NEK10: variants seen among roughly 807,000 people sequenced by gnomAD.
The protein encoded by NEK10 is serine/threonine-protein kinase Nek10.
A neutral mutation model predicts 159.8 loss-of-function variants in NEK10; 122 were observed. The ratio of observed to expected loss-of-function variants is 0.76; its 90% CI spans 0.66 to 0.89. The LOEUF (loss-of-function observed/expected upper bound fraction) is 0.89, where lower values mean the gene tolerates loss of function less well. NEK10 is among the 40% of genes least tolerant of loss of function. The pLI, the probability that NEK10 is intolerant of heterozygous loss-of-function variation, is 0.00. For synonymous variants in NEK10, 466 were observed against 457.1 expected (o/e 1.02, Z -0.25); for missense variants, 1,342 against 1,323.1 (o/e 1.01, Z -0.22).
chr3:27,107,180 C>G lies in NEK10; in HGVS notation c.*4092G>C, dbSNP rs148954988. ...CAGCTGTGATTTTAGGGTACGTGAT[C>G]TTCATTTTTAAAAACAACTATTGCC... is the stretch of plus-strand genomic sequence containing the variant. On this transcript the variant is annotated 3_prime_UTR_variant, in exon 36 of 36. Coordinates refer to ENST00000691995, the MANE Select transcript of NEK10 (RefSeq NM_001394966.1). Among the ~76,000 whole-genome samples the G allele has an allele frequency of 4.3e-3, 661 of 152,056 alleles. 1 individual carries two copies. The highest frequency in any genetic ancestry group is 0.014 in the African/African-American group (591 of 41,476).
At chr3:27,311,774 C>T (rs2044718018) in intron 8 of NEK10, 3 of 285,180 alleles carry the variant, frequency 1.1e-5, no homozygotes, top group Non-Finnish European at 2.0e-5. Flanking sequence ...ATTAACCCAA[C>T]TTTATAGAAA....
At chr3:27,289,258 C>T (rs1218135701) in intron 19 of NEK10, among the ~76,000 whole-genome samples, 2 of 152,252 alleles carry the variant, frequency 1.3e-5, no homozygotes, top group South Asian at 2.1e-4. Flanking sequence ...ACCCACTGTA[C>T]TGTGAGTCCT....
chr3:27,255,335 A>G (rs1450370383), intron 23 of NEK10: 5 of 411,654 alleles, frequency 1.2e-5, no homozygotes, highest in Non-Finnish European at 1.9e-5. Context: ...AAACATATCC[A>G]GTAAGATAAA....
rs746438852 is a variant in NEK10, at chr3:27,162,748, G to T, written c.2832-10C>A. On this transcript the variant is annotated splice_polypyrimidine_tract_variant and intron_variant, in intron 29 of 35. Transcript: ENST00000691995. ...TCCTCCAGTGAAGTCCCTGAAAATAGAATTACAGGCCATTAGAATGACCTG... is the reference window on the plus strand; with the variant it reads ...TCCTCCAGTGAAGTCCCTGAAAATATAATTACAGGCCATTAGAATGACCTG... 1 of 1,614,030 alleles carries T rather than the reference G, an allele frequency of 6.2e-7. No homozygotes were observed.
In NEK10 at chr3:27,318,657, A is replaced by G. The variant is rs551777461; in HGVS notation, c.447+3520T>C. On this transcript the variant is annotated intron_variant, in intron 6 of 35. Coordinates refer to ENST00000691995, the MANE Select transcript of NEK10 (RefSeq NM_001394966.1). ...GACAAGACAAATAACATCACTGAGAATAATTTAGCATCGTGTTGAAGATAG... is the reference window on the plus strand; with the variant it reads ...GACAAGACAAATAACATCACTGAGAGTAATTTAGCATCGTGTTGAAGATAG... 2.0e-5 allele frequency among the ~76,000 whole-genome samples: 3 copies of G among 152,364 alleles called. No individual in the cohort carries two copies. The South Asian group carries it at 6.2e-4, about 32-fold the overall frequency.
At chr3:27,256,404 A>T in intron 22 of NEK10, 33 bp from the exon 23 acceptor site, 1 of 1,375,856 alleles carries the variant, frequency 7.3e-7, no homozygotes, top group Middle Eastern at 1.8e-4. Flanking sequence ...ATATGTTACT[A>T]TATTTTCCCA....
chr3:27,162,430 C>G, intron 30 of NEK10: 1 of 1,607,202 alleles, frequency 6.2e-7, no homozygotes. Flanking sequence ...CCATTGTGTG[C>G]TTAACATCAA....
intron 33 of NEK10, among the ~76,000 whole-genome samples, chr3:27,118,768 CT>C (rs1225986109): frequency 6.6e-6 from 1 of 152,324 alleles, no homozygotes; most frequent in East Asian, 1.9e-4. Context: ...CTTTAAACAA[CT>C]TTTTATCTTG....
rs57112652 is a variant in NEK10, at chr3:27,172,333, CAAAAAAA to C, written c.2777-467_2777-461del. Among the ~76,000 whole-genome samples, 12 of 63,018 alleles carry C rather than the reference CAAAAAAA, an allele frequency of 1.9e-4. No individual in the cohort carries two copies. The East Asian group carries it at 2.9e-3, about 15-fold the overall frequency. The allele number at this position is 63,018 out of a possible 152,430, so 41.3% of individuals were successfully genotyped here. On this transcript the variant is annotated intron_variant, in intron 28 of 35. Coordinates refer to ENST00000691995, the MANE Select transcript of NEK10 (RefSeq NM_001394966.1). ...CTGGTGACAGAGCGAGACCCCGTCTCAAAAAAAAAAAAAAAAAAAAAAAAAACTTAAA... is the reference window on the plus strand; with the variant it reads ...CTGGTGACAGAGCGAGACCCCGTCTCAAAAAAAAAAAAAAAAAAACTTAAA...
At chr3:27,278,157 CAGGCTGTATTTTGCCACTGTTTT>C (rs1247501795) in intron 22 of NEK10, among the ~76,000 whole-genome samples, 3 of 152,234 alleles carry the variant, frequency 2.0e-5, no homozygotes, top group East Asian at 1.9e-4. Flanking sequence ...ATTTGTCCCA[CAGGCTGTATTTTGCCACTGTTTT>C]AGGCTGTATT....
chr3:27,257,730 C>G (rs760604852), intron 22 of NEK10, among the ~76,000 whole-genome samples: 1 of 151,766 alleles, frequency 6.6e-6, no homozygotes, highest in African/African-American at 2.4e-5. Context: ...CTATTATGAG[C>G]AACTTGAGTA....
chr3:27,345,395 T>C (rs2047483053), intron 4 of NEK10, among the ~76,000 whole-genome samples: 1 of 152,198 alleles, frequency 6.6e-6, no homozygotes, highest in Non-Finnish European at 1.5e-5. Context: ...AACTTTCCCA[T>C]ACTATTAAAT....
At chr3:27,342,996 A>G (rs1479676900) in intron 5 of NEK10, among the ~76,000 whole-genome samples, 1 of 152,194 alleles carries the variant, frequency 6.6e-6, no homozygotes, top group Non-Finnish European at 1.5e-5. Flanking sequence ...CTGAACAGTG[A>G]CCCAATTACA....
At chr3:27,309,121 C>A in intron 9 of NEK10, 116 bp from the exon 10 acceptor site, 5 of 523,674 alleles carry the variant, frequency 9.5e-6, no homozygotes, top group South Asian at 2.5e-5. Context: ...ATGCTTCCCT[C>A]TTAAGATCAT....
At position 27,108,652 on chromosome 3, in the gene NEK10, GA is replaced by G. The variant is rs1322764836; in HGVS notation, c.*2619del. 9.2e-5 allele frequency among the ~76,000 whole-genome samples: 14 copies of G among 151,976 alleles called. No individual in the cohort carries two copies. Among genetic ancestry groups the G allele is most frequent in the East Asian group, 1.9e-4 (1 of 5,192 alleles). On this transcript the variant is annotated 3_prime_UTR_variant, in exon 36 of 36. Coordinates refer to ENST00000691995, the MANE Select transcript of NEK10 (RefSeq NM_001394966.1). Reference sequence around the variant, plus strand: ...CATTAAAAATTATACAAGAGAAAGGGAAAAAATATATAAATGCAATCAAGAA... The same window carrying G: ...CATTAAAAATTATACAAGAGAAAGGGAAAAATATATAAATGCAATCAAGAA...
At chr3:27,344,415 C>G (rs1488465097) in intron 4 of NEK10, 45 bp from the exon 5 acceptor site, 2 of 1,051,602 alleles carry the variant, frequency 1.9e-6, no homozygotes, top group Non-Finnish European at 2.9e-6. Flanking sequence ...AGAGATCAGG[C>G]TGTCTCAAAG....
chr3:27,271,126 A>G (rs995993629), intron 22 of NEK10, among the ~76,000 whole-genome samples: 1 of 150,896 alleles, frequency 6.6e-6, no homozygotes, highest in Non-Finnish European at 1.5e-5. Flanking sequence ...ATATCCATCT[A>G]TCTTTCCATC....
chr3:27,215,862 A>C (rs911030764), intron 23 of NEK10: 8 of 716,918 alleles, frequency 1.1e-5, no homozygotes, highest in Non-Finnish European at 2.1e-5. Context: ...CAGGAGAGCG[A>C]AGGTAGAGGT....
chr3:27,170,681 C>T lies in NEK10; in HGVS notation c.2831+1138G>A, dbSNP rs140709382. Among the ~76,000 whole-genome samples, 198 of 152,172 alleles carry T rather than the reference C, an allele frequency of 1.3e-3. 1 individual carries two copies. The highest frequency in any genetic ancestry group is 4.5e-3 in the African/African-American group (188 of 41,516). Reference sequence around the variant, plus strand: ...TGGAAGGCAGAGGTTGCAGTGATCACGCCACTGCACTCCAGCCTGGGTGAC... The same window carrying T: ...TGGAAGGCAGAGGTTGCAGTGATCATGCCACTGCACTCCAGCCTGGGTGAC... On this transcript the variant is annotated intron_variant, in intron 29 of 35. Transcript: ENST00000691995.
Sources: allele counts gnomAD v4.1 joint callset (sites outside exome capture counted in the v4.1 genomes callset), GRCh38; gene constraint gnomAD v4.1.1; transcripts MANE v1.5; gene names NCBI Gene and HGNC (gene_info 2026-07-23, HGNC 2026-07-21).